The following PPIB variants were observed in gnomAD, a reference collection of about 807,000 sequenced individuals.
PPIB encodes peptidyl-prolyl cis-trans isomerase B.
PPIB carries 15 observed loss-of-function variants against 20.1 expected under a neutral mutation model. The ratio of observed to expected loss-of-function variants is 0.75; its 90% confidence interval spans 0.50 to 1.15. The LOEUF is 1.15. Ranked by LOEUF, PPIB falls within the 50% of genes most tolerant of loss-of-function variation. The pLI is 0.00. For missense variants in PPIB, 278 were observed against 283.0 expected (o/e 0.98, Z 0.13); for synonymous variants, 129 against 111.0 (o/e 1.16, Z -1.02).
At position 64,157,850 on chromosome 15, in the gene PPIB, T is replaced by G. The variant is rs2081544181; in HGVS notation, c.344-941A>C. ...CTGATTGGGCAGCAGGTAGGATGAC[T>G]GAAAACCAAGAATGACCAGACTCTG... On this transcript the variant is annotated intron_variant, in intron 3 of 4. Transcript: ENST00000300026. This position sits in a 1 kb window ranked among gnomAD's most constrained non-coding sequence, Gnocchi z 4.2. Among the ~76,000 whole-genome samples the G allele has an allele frequency of 6.6e-6, 1 of 152,174 alleles. No individual in the cohort carries two copies. The highest frequency in any genetic ancestry group is 6.5e-5 in the Admixed American group (1 of 15,278).
At position 64,157,045 on chromosome 15, in the gene PPIB, A is replaced by G; in HGVS notation, c.344-136T>C. ...GAGTGGACTACAAGGACATAAAAGC[A>G]GCGTCCTTCCTATCTTCTGGCCTCA... On this transcript the variant is annotated intron_variant, in intron 3 of 4. Transcript: ENST00000300026. This position sits in a 1 kb window ranked among gnomAD's most constrained non-coding sequence, Gnocchi z 4.2. 1.1e-6 allele frequency: 1 copy of G among 944,724 alleles called. No homozygotes were observed. Among genetic ancestry groups the G allele is most frequent in the Non-Finnish European group, 1.6e-6 (1 of 638,886 alleles). The allele number at this position is 944,724 out of a possible 1,614,324, so 58.5% of individuals were successfully genotyped here. A position where few individuals can be genotyped will look rare whatever the true frequency, so the allele number is the denominator to read the frequency against.
At position 64,155,968 on chromosome 15, in the gene PPIB, T is replaced by C; in HGVS notation, c.*55A>G. 6.2e-7 allele frequency: 1 copy of C among 1,613,296 alleles called. No homozygotes were observed. The highest frequency in any genetic ancestry group is 8.5e-7 in the Non-Finnish European group (1 of 1,179,846). On this transcript the variant is annotated 3_prime_UTR_variant, in exon 5 of 5. Coordinates refer to ENST00000300026, the MANE Select transcript of PPIB (RefSeq NM_000942.5). The stretch of plus-strand genomic sequence containing the variant: ...GGGGCCAGTGCAGCTCAGAGCCCTG[T>C]GGCGGACTACAGGGCCTGCACAGAC...
chr15:64,156,949 C>T lies in PPIB; in HGVS notation c.344-40G>A, dbSNP rs779139279. On this transcript the variant is annotated intron_variant, in intron 3 of 4. Coordinates refer to ENST00000300026, the MANE Select transcript of PPIB (RefSeq NM_000942.5). The surrounding 1 kb of genome is among the most constrained non-coding windows in gnomAD (Gnocchi z 6.4). ...AGAGCAGGTCAGGGGCGCTGGATTG[C>T]GCCAAACCAAGCAGACATTCGGGGC... 91 of 1,602,790 alleles carry T rather than the reference C, an allele frequency of 5.7e-5. No homozygotes were observed. Among genetic ancestry groups the T allele is most frequent in the Admixed American group, 1.2e-4 (7 of 59,818 alleles).
chr15:64,162,927 C>T lies in PPIB; in HGVS notation c.60G>A (p.Gly20=). The T allele has an allele frequency of 6.2e-7, 1 of 1,613,516 alleles. No individual in the cohort carries two copies. The highest frequency in any genetic ancestry group is 1.1e-5 in the South Asian group (1 of 90,970). Residue 20 remains glycine (G), a synonymous_variant, in exon 1 of 5, where the codon GGG becomes GGA. Coordinates refer to ENST00000300026, the MANE Select transcript of PPIB (RefSeq NM_000942.5). ...KVLLAAALIA[G]SVFFLLLPGP... ...CCGGCAGCAGCAGGAAGAAGACGGA[C>T]CCCGCGATGAGGGCGGCGGCAAGGA...
At position 64,159,977 on chromosome 15, in the gene PPIB, G is replaced by A; in HGVS notation, c.343+127C>T. 1.2e-6 allele frequency: 1 copy of A among 818,588 alleles called. No individual in the cohort carries two copies. Among genetic ancestry groups the A allele is most frequent in the South Asian group, 1.4e-5 (1 of 71,300 alleles). 50.7% of individuals were successfully genotyped at this position (818,588 alleles called of 1,614,324 possible). ...AAGGGTGCCGCTGGTCTCAAAGTAG[G>A]TAAGTAATAAGTAGGCCTGCCTCTA... On this transcript the variant is annotated intron_variant, in intron 3 of 4. Coordinates refer to ENST00000300026, the MANE Select transcript of PPIB (RefSeq NM_000942.5). This position sits in a 1 kb window ranked among gnomAD's most constrained non-coding sequence, Gnocchi z 5.1.
chr15:64,160,056 G>A lies in PPIB; in HGVS notation c.343+48C>T. ...CCCAGCAGAACCTGGCCCTCCCACT[G>A]TGGAGGCTACACTGACATACTCCTT... On this transcript the variant is annotated intron_variant, in intron 3 of 4. Coordinates refer to ENST00000300026, the MANE Select transcript of PPIB (RefSeq NM_000942.5). The surrounding 1 kb of genome is among the most constrained non-coding windows in gnomAD (Gnocchi z 4.8). The A allele has an allele frequency of 6.6e-7, 1 of 1,504,562 alleles. No individual in the cohort carries two copies. The highest frequency in any genetic ancestry group is 9.3e-7 in the Non-Finnish European group (1 of 1,080,468). 93.2% of individuals were successfully genotyped at this position (1,504,562 alleles called of 1,614,324 possible). A position where few individuals can be genotyped will look rare whatever the true frequency, so the allele number is the denominator to read the frequency against.
chr15:64,161,384 CT>C lies in PPIB; in HGVS notation c.249+656del, dbSNP rs1200115959. Among the ~76,000 whole-genome samples, 2 of 152,136 alleles carry C rather than the reference CT, an allele frequency of 1.3e-5. No homozygotes were observed. Among genetic ancestry groups the C allele is most frequent in the Non-Finnish European group, 2.9e-5 (2 of 68,006 alleles). ...CATTTCACTTCAGCCTCCTGAGTAG[CT>C]GTAGCTGGGACCACAGGTGCACCCC... On this transcript the variant is annotated intron_variant, in intron 2 of 4. Coordinates refer to ENST00000300026, the MANE Select transcript of PPIB (RefSeq NM_000942.5). The surrounding 1 kb of genome is among the most constrained non-coding windows in gnomAD (Gnocchi z 4.2).
intron 1 of PPIB, 76 bp from the exon 2 acceptor site, chr15:64,162,230 C>T (rs1247741903): frequency 2.9e-6 from 3 of 1,023,794 alleles, no homozygotes; most frequent in Non-Finnish European, 4.7e-6. Flanking sequence ...AAGAAGCTAA[C>T]CTGAGGATGG....
chr15:64,162,273 G>C, intron 1 of PPIB, 119 bp from the exon 2 acceptor site: 2 of 794,222 alleles, frequency 2.5e-6, no homozygotes, highest in Non-Finnish European at 4.5e-6. Flanking sequence ...TTAGAGAAGT[G>C]GTTCTGAATC....
At position 64,160,033 on chromosome 15, in the gene PPIB, C is replaced by A; in HGVS notation, c.343+71G>T. 7.4e-7 allele frequency: 1 copy of A among 1,348,288 alleles called. No individual in the cohort carries two copies. Among genetic ancestry groups the A allele is most frequent in the East Asian group, 2.3e-5 (1 of 43,600 alleles). 83.5% of individuals were successfully genotyped at this position (1,348,288 alleles called of 1,614,324 possible). A position where few individuals can be genotyped will look rare whatever the true frequency, so the allele number is the denominator to read the frequency against. On this transcript the variant is annotated intron_variant, in intron 3 of 4. Transcript: ENST00000300026. This position sits in a 1 kb window ranked among gnomAD's most constrained non-coding sequence, Gnocchi z 4.8. ...GGGGAAGAAAGAGGCCTGGTCTCCC[C>A]AGCAGAACCTGGCCCTCCCACTGTG...
In PPIB at chr15:64,156,683, G is replaced by C. The variant is rs772749269; in HGVS notation, c.528+42C>G. On this transcript the variant is annotated intron_variant, in intron 4 of 4. Transcript: ENST00000300026. This position sits in a 1 kb window ranked among gnomAD's most constrained non-coding sequence, Gnocchi z 6.4. ...GCCCTGGGGTCTGTGTTGAATCCCCGGTGAGGATTGCCCAGTAGTAGCCCT... is the reference window on the plus strand; with the variant it reads ...GCCCTGGGGTCTGTGTTGAATCCCCCGTGAGGATTGCCCAGTAGTAGCCCT... The C allele has an allele frequency of 6.2e-7, 1 of 1,608,860 alleles. No individual in the cohort carries two copies. Among genetic ancestry groups the C allele is most frequent in the Non-Finnish European group, 8.5e-7 (1 of 1,175,242 alleles).
Position 64,157,038 on chromosome 15 carries a change from T to G in PPIB, c.344-129A>C. The G allele has an allele frequency of 1.0e-6, 1 of 993,338 alleles. No individual in the cohort carries two copies. The highest frequency in any genetic ancestry group is 1.5e-6 in the Non-Finnish European group (1 of 679,864). The allele number at this position is 993,338 out of a possible 1,614,324, so 61.5% of individuals were successfully genotyped here. On this transcript the variant is annotated intron_variant, in intron 3 of 4. Coordinates refer to ENST00000300026, the MANE Select transcript of PPIB (RefSeq NM_000942.5). This position sits in a 1 kb window ranked among gnomAD's most constrained non-coding sequence, Gnocchi z 4.2. The stretch of plus-strand genomic sequence containing the variant: ...TAGGCTGGAGTGGACTACAAGGACA[T>G]AAAAGCAGCGTCCTTCCTATCTTCT...
chr15:64,162,082 G>A lies in PPIB; in HGVS notation c.208C>T (p.Pro70Ser), dbSNP rs1201535977. The A allele has an allele frequency of 6.2e-7, 1 of 1,614,066 alleles. No individual in the cohort carries two copies. The highest frequency in any genetic ancestry group is 8.5e-7 in the Non-Finnish European group (1 of 1,179,948). The change falls in exon 2 of 5, where the codon CCA (proline) becomes TCA (serine). Residue 70 changes from proline (P) to serine (S), a missense_variant. Pro to Ser is a moderately conservative substitution (Grantham distance 74). Coordinates refer to ENST00000300026, the MANE Select transcript of PPIB (RefSeq NM_000942.5). Reference sequence around the variant, plus strand: ...GCCACAAAATTATCCACTGTTTTTGGAACAGTCTTTCCGAAGAGACCAAAG... The same window carrying A: ...GCCACAAAATTATCCACTGTTTTTGAAACAGTCTTTCCGAAGAGACCAAAG... ...VIFGLFGKTV[P>S]KTVDNFVALA...
Position 64,156,995 on chromosome 15 carries a change from C to T in PPIB, c.344-86G>A. On this transcript the variant is annotated intron_variant, in intron 3 of 4. Transcript: ENST00000300026. The surrounding 1 kb of genome is among the most constrained non-coding windows in gnomAD (Gnocchi z 6.4). The stretch of plus-strand genomic sequence containing the variant: ...GGGGCCAGGACTGAGGGGGCTTAAC[C>T]TGTCCTCTGTGCCAGGCTAGGCTGG... 1 of 1,387,616 alleles carries T rather than the reference C, an allele frequency of 7.2e-7. No individual in the cohort carries two copies. Among genetic ancestry groups the T allele is most frequent in the Non-Finnish European group, 1.0e-6 (1 of 994,518 alleles). 86.0% of individuals were successfully genotyped at this position (1,387,616 alleles called of 1,614,324 possible). A position where few individuals can be genotyped will look rare whatever the true frequency, so the allele number is the denominator to read the frequency against.
rs367847142 is a variant in PPIB at position 64,160,703 on chromosome 15, A to G, written c.250-506T>C. Among the ~76,000 whole-genome samples the G allele has an allele frequency of 6.6e-6, 1 of 151,734 alleles. No individual in the cohort carries two copies. The highest frequency in any genetic ancestry group is 1.5e-5 in the Non-Finnish European group (1 of 67,848). ...CTCTTGTCACCCAGGCTGGAGTGCA[A>G]TGGCACAATCTCCGCTCACTGCAGC... On this transcript the variant is annotated intron_variant, in intron 2 of 4. Coordinates refer to ENST00000300026, the MANE Select transcript of PPIB (RefSeq NM_000942.5). This position sits in a 1 kb window ranked among gnomAD's most constrained non-coding sequence, Gnocchi z 4.8.
At chr15:64,162,489 A>G (rs1050883969) in intron 1 of PPIB, among the ~76,000 whole-genome samples, 13 of 152,236 alleles carry the variant, frequency 8.5e-5, no homozygotes, top group African/African-American at 3.1e-4. Context: ...TGAAGTATAC[A>G]TACTGTGCTT....
chr15:64,159,462 G>T lies in PPIB; in HGVS notation c.343+642C>A, dbSNP rs577925270. On this transcript the variant is annotated intron_variant, in intron 3 of 4. Transcript: ENST00000300026. This position sits in a 1 kb window ranked among gnomAD's most constrained non-coding sequence, Gnocchi z 5.1. ...GTCGCCCAGGCTGGAGTGCAGTGGC[G>T]TGATTTCGGCTCACTGCAACCTCCG... 6.4e-6 allele frequency: 1 copy of T among 156,020 alleles called. No individual in the cohort carries two copies. The highest frequency in any genetic ancestry group is 2.4e-5 in the African/African-American group (1 of 41,548). The allele number at this position is 156,020 out of a possible 1,614,324, so 9.7% of individuals were successfully genotyped here. A position where few individuals can be genotyped will look rare whatever the true frequency, so the allele number is the denominator to read the frequency against.
Position 64,161,706 on chromosome 15 carries a change from CAA to C in PPIB, c.249+333_249+334del. 1.3e-5 allele frequency among the ~76,000 whole-genome samples: 2 copies of C among 149,762 alleles called. No individual in the cohort carries two copies. The highest frequency in any genetic ancestry group is 4.2e-4 in the South Asian group (2 of 4,728). On this transcript the variant is annotated intron_variant, in intron 2 of 4. Transcript: ENST00000300026. This position sits in a 1 kb window ranked among gnomAD's most constrained non-coding sequence, Gnocchi z 4.2. ...CACCACTGCACTCCAGCCCAGGCGA[CAA>C]GAGTGAAACTCCGTCTCAAAAAAAA...
chr15:64,156,238 G>C lies in PPIB; in HGVS notation c.529-93C>G. The C allele has an allele frequency of 6.6e-7, 1 of 1,514,138 alleles. No individual in the cohort carries two copies. Among genetic ancestry groups the C allele is most frequent in the Non-Finnish European group, 9.1e-7 (1 of 1,103,826 alleles). 93.8% of individuals were successfully genotyped at this position (1,514,138 alleles called of 1,614,324 possible). On this transcript the variant is annotated intron_variant, in intron 4 of 4. Coordinates refer to ENST00000300026, the MANE Select transcript of PPIB (RefSeq NM_000942.5). The surrounding 1 kb of genome is among the most constrained non-coding windows in gnomAD (Gnocchi z 6.4). ...CCAGCGTATGGCTCAGGAGGGCTAAGACCCACAAGTGATCAACAGCACACA... is the reference window on the plus strand; with the variant it reads ...CCAGCGTATGGCTCAGGAGGGCTAACACCCACAAGTGATCAACAGCACACA...
Sources: allele counts gnomAD v4.1 joint callset (sites outside exome capture counted in the v4.1 genomes callset), GRCh38; gene constraint gnomAD v4.1.1; non-coding constraint Gnocchi (gnomAD v3.1); transcripts MANE v1.5; gene names NCBI Gene and HGNC (gene_info 2026-07-23, HGNC 2026-07-21).